The following ABCC6 variants were observed in gnomAD, a reference collection of about 807,000 sequenced individuals.
ABCC6 encodes ATP-binding cassette sub-family C member 6.
A neutral mutation model predicts 169.5 loss-of-function variants in ABCC6; 126 were observed. The observed-to-expected ratio is 0.74, with a 90% CI of 0.64 to 0.86. ABCC6 has a LOEUF of 0.86. Ranked by LOEUF, ABCC6 falls within the 40% of genes least tolerant of loss-of-function variation. The pLI, the probability that ABCC6 is intolerant of heterozygous loss-of-function variation, is 0.00. For missense variants in ABCC6, 1,733 were observed against 1,927.2 expected, an observed-to-expected ratio of 0.90 and a Z score of 1.89; for synonymous variants, 752 against 814.7, an observed-to-expected ratio of 0.92 and a Z score of 1.31.
intron 25 of ABCC6, 95 bp from the exon 26 acceptor site, chr16:16,159,678 A>G: frequency 8.9e-7 from 1 of 1,123,424 alleles, no homozygotes; most frequent in African/African-American, 1.5e-5. Context: ...GGGAGGCCAG[A>G]CCCAGGGGAG....
At chr16:16,217,693 G>C (rs1464530856) in intron 4 of ABCC6, among the ~76,000 whole-genome samples, 1 of 152,160 alleles carries the variant, frequency 6.6e-6, no homozygotes, top group Non-Finnish European at 1.5e-5. Context: ...TCTATGCTGT[G>C]TCCCAAAAAG....
At chr16:16,180,335 T>C (rs1223760023) in intron 17 of ABCC6, among the ~76,000 whole-genome samples, 1 of 152,170 alleles carries the variant, frequency 6.6e-6, no homozygotes, top group Non-Finnish European at 1.5e-5. Flanking sequence ...CTCAAATATT[T>C]ATCTTTTGTA....
intron 11 of ABCC6, among the ~76,000 whole-genome samples, chr16:16,190,582 T>C (rs7199864): frequency 1 from 151,990 of 151,992 alleles, 75,994 homozygotes; most frequent in Middle Eastern, 1. Flanking sequence ...ATGTGCCCCA[T>C]GGAGGAAGCC....
chr16:16,176,647 G>C (rs141015347), intron 19 of ABCC6, among the ~76,000 whole-genome samples: 29 of 152,378 alleles, frequency 1.9e-4, no homozygotes, highest in Admixed American at 3.3e-4. Context: ...CAAAGCCTGA[G>C]ATTGAGGGAG....
chr16:16,177,411 C>A (rs1222773161), intron 19 of ABCC6, 41 bp downstream of exon 19: 1 of 1,612,598 alleles, frequency 6.2e-7, no homozygotes, highest in Admixed American at 1.7e-5. Context: ...CCAAGGGTGG[C>A]AGGAGCCAGG....
Position 16,208,717 on chromosome 16 carries a change from C to T in ABCC6, c.794+11G>A, listed in dbSNP as rs1306290938. The T allele has an allele frequency of 2.5e-6, 4 of 1,613,462 alleles. No individual in the cohort carries two copies. The South Asian group carries it at 4.4e-5, about 18-fold the overall frequency. ...TAGCATCAGGTGAGTTCTTGACCTC[C>T]ACCCACTTACCTCCGGGCTGCACTG... On this transcript the variant is annotated intron_variant, in intron 7 of 30. Transcript: ENST00000205557.
In ABCC6 at chr16:16,214,424, T is replaced by A. The variant is rs1191928895; in HGVS notation, c.500A>T (p.His167Leu). Residue 167 changes from histidine (H) to leucine (L), a missense_variant, in exon 5 of 31, where the codon CAC (histidine) becomes CTC (leucine). Transcript: ENST00000205557. ...GAGFQSDPVRHLSTYLCLSLV... is the reference protein window; with the variant it reads ...GAGFQSDPVRLLSTYLCLSLV... ...AGACAGGCATAGGTAGGTGGACAGGTGGCGGACAGGGTCGCTCTGGAAGCC... is the reference window on the plus strand; with the variant it reads ...AGACAGGCATAGGTAGGTGGACAGGAGGCGGACAGGGTCGCTCTGGAAGCC... 4 of 1,550,792 alleles carry A rather than the reference T, an allele frequency of 2.6e-6. No homozygotes were observed. Among genetic ancestry groups the A allele is most frequent in the Admixed American group, 2.0e-5 (1 of 50,918 alleles).
rs1357300098 is a variant in ABCC6 at position 16,221,721 on chromosome 16, G to T, written c.147C>A (p.Pro49=). ...VPPMYLWVLG[P]IYLLFIHHHG... is the part of the protein sequence containing the mutation. ...GGTGGTGGATGAAGAGGAGGTAGAT[G>T]GGACCAAGGACCCAGAGGTACATGG... Residue 49 remains proline (P), a synonymous_variant, in exon 2 of 31, where the codon CCC becomes CCA. Transcript: ENST00000205557. The T allele has an allele frequency of 6.2e-7, 1 of 1,613,684 alleles. No homozygotes were observed. Among genetic ancestry groups the T allele is most frequent in the South Asian group, 1.1e-5 (1 of 91,068 alleles).
chr16:16,165,973 C>T lies in ABCC6; in HGVS notation c.2996-40G>A, dbSNP rs193008497. On this transcript the variant is annotated intron_variant, in intron 22 of 30. Transcript: ENST00000205557. ...GAGGTAAGAGCATGAGGGCTGGAGA[C>T]CCTCAGGAGCGGCCCACGGGGCCCT... is the stretch of plus-strand genomic sequence containing the variant. The T allele has an allele frequency of 8.6e-5, 137 of 1,601,506 alleles. No homozygotes were observed. The African/African-American group carries it at 1.6e-3, about 18-fold the overall frequency.
intron 25 of ABCC6, among the ~76,000 whole-genome samples, chr16:16,160,830 C>T (rs116355367): frequency 0.019 from 2,922 of 151,878 alleles, 91 homozygotes; most frequent in African/African-American, 0.067. Flanking sequence ...CAAACCAAAA[C>T]GAACAAAAAC....
chr16:16,205,762 G>T (rs540549944), intron 7 of ABCC6, among the ~76,000 whole-genome samples: 8 of 152,138 alleles, frequency 5.3e-5, no homozygotes, highest in Non-Finnish European at 1.2e-4. Context: ...GGTAGACTTT[G>T]CCTGTGTTTT....
chr16:16,196,348 T>A (rs531787626), intron 10 of ABCC6, among the ~76,000 whole-genome samples: 1 of 152,246 alleles, frequency 6.6e-6, no homozygotes, highest in Non-Finnish European at 1.5e-5. Context: ...CAGCCACTTC[T>A]GCACTCCAAG....
chr16:16,182,011 T>C (rs2047491206), intron 17 of ABCC6: 2 of 288,984 alleles, frequency 6.9e-6, no homozygotes, highest in South Asian at 3.9e-5. Context: ...CCCTGCCCAA[T>C]CCATAGCTCC....
rs113050760 is a variant in ABCC6, at chr16:16,185,204, C to T, written c.1868-170G>A. ...ACTCACTGGCTTGTGGGTGACCCCG[C>T]AGGGTTCTTGTTCTGTCCGTGTCCC... On this transcript the variant is annotated intron_variant, in intron 14 of 30. Coordinates refer to ENST00000205557, the MANE Select transcript of ABCC6 (RefSeq NM_001171.6). 8.1e-4 allele frequency among the ~76,000 whole-genome samples: 124 copies of T among 152,346 alleles called. 1 individual carries two copies. Among genetic ancestry groups the T allele is most frequent in the African/African-American group, 2.8e-3 (118 of 41,580 alleles).
At position 16,178,911 on chromosome 16, in the gene ABCC6, A is replaced by G. The variant is rs1223796455; in HGVS notation, c.2302T>C (p.Tyr768His). The G allele has an allele frequency of 6.2e-7, 1 of 1,613,656 alleles. No individual in the cohort carries two copies. The highest frequency in any genetic ancestry group is 8.5e-7 in the Non-Finnish European group (1 of 1,180,012). The change falls in exon 18 of 31, where the codon TAC (tyrosine) becomes CAC (histidine). Residue 768 changes from tyrosine to histidine, a missense_variant. Physicochemically the swap from Tyr to His is moderately conservative, Grantham distance 83. This residue lies in a region of ABCC6 where 1,601 missense variants were observed against 1,635.5 expected (regional missense o/e 0.98). Coordinates refer to ENST00000205557, the MANE Select transcript of ABCC6 (RefSeq NM_001171.6). ...KQRLSLARAV[Y>H]RKAAVYLLDD... Reference sequence around the variant, plus strand: ...AGCAGGTACACAGCTGCCTTTCTGTATACAGCCCGGGCCAGGCTCAGCCGC... The same window carrying G: ...AGCAGGTACACAGCTGCCTTTCTGTGTACAGCCCGGGCCAGGCTCAGCCGC...
chr16:16,168,308 C>G (rs745543690), intron 22 of ABCC6, among the ~76,000 whole-genome samples: 1 of 7,060 alleles, frequency 1.4e-4, no homozygotes, highest in African/African-American at 2.2e-4. Flanking sequence ...CTGGGCAACA[C>G]GGCGAAACCG....
intron 11 of ABCC6, among the ~76,000 whole-genome samples, chr16:16,192,361 C>T (rs186804663): frequency 1.2e-4 from 18 of 152,138 alleles, no homozygotes; most frequent in Admixed American, 5.9e-4. Flanking sequence ...AAAATGGGGC[C>T]GCTGTGGGTC....
At chr16:16,194,304 C>G (rs539992967) in intron 10 of ABCC6, among the ~76,000 whole-genome samples, 1 of 152,362 alleles carries the variant, frequency 6.6e-6, no homozygotes, top group South Asian at 2.1e-4. Flanking sequence ...AATCATCATA[C>G]AGAATGCCCA....
rs1334819207 is a variant in ABCC6 at position 16,198,021 on chromosome 16, C to T, written c.1338G>A (p.Gln446=). The T allele has an allele frequency of 1.2e-6, 2 of 1,614,000 alleles. No individual in the cohort carries two copies. The highest frequency in any genetic ancestry group is 8.5e-7 in the Non-Finnish European group (1 of 1,179,930). ...WIVVCFVYLW[Q]LLGPSALTAI... ...ATCCCGTCTTCCTCCTCTGGCATAC[C>T]TGCCAGAGATAGACGAAGCAGACCA... The change falls in exon 10 of 31, where the codon CAG becomes CAA. Residue 446 remains glutamine, a splice_region_variant and synonymous_variant. Coordinates refer to ENST00000205557, the MANE Select transcript of ABCC6 (RefSeq NM_001171.6).
Sources: allele counts gnomAD v4.1 joint callset (sites outside exome capture counted in the v4.1 genomes callset), GRCh38; gene constraint gnomAD v4.1.1; regional missense constraint gnomAD v4.1.1; transcripts MANE v1.5; gene names NCBI Gene and HGNC (gene_info 2026-07-23, HGNC 2026-07-21).